The following DOCK3 variants were observed in gnomAD, a reference collection of about 807,000 sequenced individuals.
DOCK3 encodes the protein dedicator of cytokinesis 3.
Under a neutral mutation model 265.6 loss-of-function variants are expected in DOCK3, and 60 were observed. The ratio of observed to expected loss-of-function variants is 0.23; its 90% CI spans 0.18 to 0.28. DOCK3 has a LOEUF of 0.28. Ranked by LOEUF, DOCK3 falls within the 10% of genes least tolerant of loss-of-function variation. The pLI is 1.00. For synonymous variants in DOCK3, 881 were observed against 938.0 expected (o/e 0.94, Z 1.11); for missense variants, 1,981 against 2,594.3 (o/e 0.76, Z 5.14).
intron 40 of DOCK3, among the ~76,000 whole-genome samples, chr3:51,354,667 C>T (rs556507181): frequency 2.0e-5 from 3 of 152,302 alleles, no homozygotes; most frequent in South Asian, 4.1e-4. Flanking sequence ...CTTCTTGCAG[C>T]CTGTACCCTT....
At chr3:51,138,946 G>C (rs2084926315) in intron 9 of DOCK3, among the ~76,000 whole-genome samples, 1 of 152,004 alleles carries the variant, frequency 6.6e-6, no homozygotes, top group Non-Finnish European at 1.5e-5. Flanking sequence ...ATATATTATG[G>C]TTCAAACACA....
intron 9 of DOCK3, among the ~76,000 whole-genome samples, chr3:51,095,909 CA>C (rs796742806): frequency 0.061 from 3,302 of 53,862 alleles, 81 homozygotes; most frequent in East Asian, 0.24. Context: ...TGCTCTCTGG[CA>C]AAAAAAAAAA....
intron 1 of DOCK3, among the ~76,000 whole-genome samples, chr3:50,722,769 G>GTTTTTTTTTT (rs58505050): frequency 7.4e-6 from 1 of 135,110 alleles, no homozygotes. Context: ...TCTTTTTCTT[G>GTTTTTTTTTT]TTTTTTTTTT....
chr3:51,135,029 A>G (rs1182618781), intron 9 of DOCK3, among the ~76,000 whole-genome samples: 1 of 152,216 alleles, frequency 6.6e-6, no homozygotes, highest in Admixed American at 6.5e-5. Context: ...CTGCTGTTGC[A>G]GCTACTACAG....
chr3:51,294,982 G>A (rs2081997268), intron 27 of DOCK3, among the ~76,000 whole-genome samples: 1 of 152,122 alleles, frequency 6.6e-6, no homozygotes, highest in Non-Finnish European at 1.5e-5. Flanking sequence ...TACATGTATT[G>A]ACACATCAGA....
intron 9 of DOCK3, among the ~76,000 whole-genome samples, chr3:51,101,453 G>A (rs910737231): frequency 2.0e-5 from 3 of 152,280 alleles, no homozygotes; most frequent in Non-Finnish European, 4.4e-5. Flanking sequence ...TTGCAAGGCG[G>A]TAGAGATCAT....
intron 32 of DOCK3, among the ~76,000 whole-genome samples, chr3:51,316,299 A>G (rs905281613): frequency 2.6e-5 from 4 of 152,194 alleles, no homozygotes; most frequent in African/African-American, 9.7e-5. Flanking sequence ...TTGAGAAATT[A>G]ATCCATGTCA....
chr3:50,856,798 CT>C (rs923084728), intron 3 of DOCK3, among the ~76,000 whole-genome samples: 75 of 152,112 alleles, frequency 4.9e-4, no homozygotes, highest in African/African-American at 1.6e-3. Context: ...CTTTTGCCTA[CT>C]ATGATGTTGG....
chr3:51,263,758 A>G (rs1240520894), intron 23 of DOCK3, among the ~76,000 whole-genome samples: 1 of 152,232 alleles, frequency 6.6e-6, no homozygotes, highest in African/African-American at 2.4e-5. Context: ...CAAAAAAAGC[A>G]TGGGTTGCAA....
At chr3:51,043,382 T>A (rs1390175344) in intron 5 of DOCK3, among the ~76,000 whole-genome samples, 2 of 152,172 alleles carry the variant, frequency 1.3e-5, no homozygotes. Flanking sequence ...TGTCTAGCCA[T>A]AGGCAGAAGA....
intron 1 of DOCK3, among the ~76,000 whole-genome samples, chr3:50,703,280 T>A (rs2036169769): frequency 1.3e-5 from 2 of 152,172 alleles, no homozygotes; most frequent in Non-Finnish European, 2.9e-5. Flanking sequence ...TCTATGTTTA[T>A]CAAGGATGTT....
chr3:50,774,878 G>C (rs979630311), intron 1 of DOCK3, among the ~76,000 whole-genome samples: 1 of 151,820 alleles, frequency 6.6e-6, no homozygotes, highest in African/African-American at 2.4e-5. Flanking sequence ...ATTTTCTTAA[G>C]AATTTTTGTC....
intron 32 of DOCK3, among the ~76,000 whole-genome samples, chr3:51,315,610 C>T (rs1311787787): frequency 6.6e-6 from 1 of 152,122 alleles, no homozygotes; most frequent in Non-Finnish European, 1.5e-5. Flanking sequence ...AGGCTGTCCT[C>T]CTGTGTAGTT....
chr3:50,992,838 T>C (rs1405619723), intron 5 of DOCK3, among the ~76,000 whole-genome samples: 1 of 152,088 alleles, frequency 6.6e-6, no homozygotes, highest in Non-Finnish European at 1.5e-5. Flanking sequence ...CAGGAAGAAA[T>C]TGATTCCCTG....
chr3:51,220,656 CAAAAAAA>C lies in DOCK3; in HGVS notation c.1253-4984_1253-4978del, dbSNP rs5848918. Among the ~76,000 whole-genome samples, 398 of 99,780 alleles carry C rather than the reference CAAAAAAA, an allele frequency of 4.0e-3. 5 individuals are homozygous for C. The highest frequency in any genetic ancestry group is 0.017 in the African/African-American group (375 of 21,636). The allele number at this position is 99,780 out of a possible 152,430, so 65.5% of individuals were successfully genotyped here. On this transcript the variant is annotated intron_variant, in intron 14 of 52. Coordinates refer to ENST00000266037, the MANE Select transcript of DOCK3 (RefSeq NM_004947.5). Reference sequence around the variant, plus strand: ...TTGGCAACAGAGCAAGACTCCATCTCAAAAAAAAAAAAAAATATATATATATATATAT... The same window carrying C: ...TTGGCAACAGAGCAAGACTCCATCTCAAAAAAAATATATATATATATATAT...
At chr3:51,062,668 C>T (rs2109255970) in intron 5 of DOCK3, among the ~76,000 whole-genome samples, 1 of 152,286 alleles carries the variant, frequency 6.6e-6, no homozygotes, top group Non-Finnish European at 1.5e-5. Context: ...TGTTAGTACT[C>T]AAGAGGTGCT....
chr3:50,830,879 C>A lies in DOCK3; in HGVS notation c.122-10796C>A, dbSNP rs903662829. ...GCTACTCCACAGGCAGAGCAGCCCT[C>A]CTGGTTGGCTATTTTTATGGTTATT... On this transcript the variant is annotated intron_variant, in intron 2 of 52. Transcript: ENST00000266037. Among the ~76,000 whole-genome samples, 13 of 152,186 alleles carry A rather than the reference C, an allele frequency of 8.5e-5. No individual in the cohort carries two copies. The South Asian group carries it at 2.7e-3, about 32-fold the overall frequency.
chr3:51,197,836 C>A (rs2088417677), intron 12 of DOCK3, among the ~76,000 whole-genome samples: 1 of 152,156 alleles, frequency 6.6e-6, no homozygotes, highest in African/African-American at 2.4e-5. Context: ...TTCCTCACAC[C>A]TTAGTCCCAA....
At chr3:51,286,923 T>G (rs1380978101) in intron 27 of DOCK3, among the ~76,000 whole-genome samples, 3 of 152,158 alleles carry the variant, frequency 2.0e-5, no homozygotes, top group African/African-American at 7.2e-5. Flanking sequence ...GACAAAGATT[T>G]CATGACAAAG....
Sources: allele counts gnomAD v4.1 joint callset (sites outside exome capture counted in the v4.1 genomes callset), GRCh38; gene constraint gnomAD v4.1.1; transcripts MANE v1.5; gene names NCBI Gene and HGNC (gene_info 2026-07-23, HGNC 2026-07-21).